SCUBE2: variants seen among roughly 807,000 people sequenced by gnomAD.
SCUBE2 encodes signal peptide, CUB domain and EGF like domain containing 2.
Under a neutral mutation model 125.9 loss-of-function variants are expected in SCUBE2, and 114 were observed. The observed-to-expected ratio is 0.91, with a 90% CI of 0.78 to 1.06. The LOEUF (loss-of-function observed/expected upper bound fraction) is 1.06. Among genes scored for constraint, SCUBE2 ranks in the 50% least tolerant of loss-of-function variants. The probability of loss-of-function intolerance (pLI) is 0.00; values close to 1 mark genes in which losing one functional copy is unlikely to be tolerated. For synonymous variants in SCUBE2, 459 were observed against 492.9 expected (o/e 0.93, Z 0.91); for missense variants, 1,255 against 1,301.8 (o/e 0.96, Z 0.55).
Position 9,050,815 on chromosome 11 carries a change from C to G in SCUBE2, c.1535-105G>C. ...CATTGGTGGCTTCCACCACACACAGCACACCCTGAGACCCTCTCCTACCCT... is the reference window on the plus strand; with the variant it reads ...CATTGGTGGCTTCCACCACACACAGGACACCCTGAGACCCTCTCCTACCCT... On this transcript the variant is annotated intron_variant, in intron 13 of 22. Coordinates refer to ENST00000649792, the MANE Select transcript of SCUBE2 (RefSeq NM_001367977.2). 4.7e-6 allele frequency: 4 copies of G among 854,166 alleles called. No individual in the cohort carries two copies. In the South Asian group the frequency reaches 5.6e-5, roughly 12 times the overall value. The allele number at this position is 854,166 out of a possible 1,614,324, so 52.9% of individuals were successfully genotyped here. A position where few individuals can be genotyped will look rare whatever the true frequency, so the allele number is the denominator to read the frequency against.
chr11:9,025,814 G>T lies in SCUBE2; in HGVS notation c.2742C>A (p.Thr914=). Residue 914 remains threonine, a synonymous_variant, in exon 21 of 23, where the codon ACC becomes ACA. Transcript: ENST00000649792. ...NSVTTYETCQ[T]YERPIAFTSR... ...AGGTGAAGGCGATGGGGCGTTCGTA[G>T]GTCTGGCAGGTTTCATATGTTGTCA... The T allele has an allele frequency of 6.2e-7, 1 of 1,614,092 alleles. No homozygotes were observed. The highest frequency in any genetic ancestry group is 8.5e-7 in the Non-Finnish European group (1 of 1,180,018).
chr11:9,053,213 C>A lies in SCUBE2; in HGVS notation c.1333G>T (p.Val445Leu). ...LHWNKKDCVE[V>L]KGLLPTSVSP... ...ACACTTGTGGGCAGGAGCCCCTTCACTTCTAGACAGGACAAAACAGACACT... is the reference window on the plus strand; with the variant it reads ...ACACTTGTGGGCAGGAGCCCCTTCAATTCTAGACAGGACAAAACAGACACT... The change falls in exon 12 of 23, where the codon GTG becomes TTG. Residue 445 changes from valine to leucine, a missense_variant and splice_region_variant. Val to Leu is a conservative substitution (Grantham distance 32, BLOSUM62 1). Around this residue, in one of 3 missense-constraint regions of SCUBE2, gnomAD observed 378 missense variants for 463.1 expected, o/e 0.82. Coordinates refer to ENST00000649792, the MANE Select transcript of SCUBE2 (RefSeq NM_001367977.2). The A allele has an allele frequency of 6.2e-7, 1 of 1,612,982 alleles. No homozygotes were observed. Among genetic ancestry groups the A allele is most frequent in the Non-Finnish European group, 8.5e-7 (1 of 1,178,898 alleles).
chr11:9,087,950 T>C (rs1236941896), intron 2 of SCUBE2, among the ~76,000 whole-genome samples: 1 of 152,214 alleles, frequency 6.6e-6, no homozygotes, highest in Non-Finnish European at 1.5e-5. Flanking sequence ...GTTTGTCTGT[T>C]TGTTGGAAAA....
At chr11:9,024,566 G>C (rs558064346) in intron 21 of SCUBE2, among the ~76,000 whole-genome samples, 175 of 152,254 alleles carry the variant, frequency 1.1e-3, no homozygotes, top group Non-Finnish European at 2.2e-3. Flanking sequence ...GGCCCTGAAG[G>C]CTCTTCACAG....
chr11:9,021,076 T>C lies in SCUBE2; in HGVS notation c.3056A>G (p.Lys1019Arg). The change falls in exon 23 of 23, where the codon AAA (lysine) becomes AGA (arginine). Residue 1019 changes from lysine (K) to arginine (R), a missense_variant. Transcript: ENST00000649792. ...GTAAGGTCTCAAAAACCTGGACACT[T>C]TGGAACGTAGCAATCGGATGAACGA... is the stretch of plus-strand genomic sequence containing the variant. Reference protein sequence around the residue: ...PRSFIRLLRSKVSRFLRPYK With the variant: ...PRSFIRLLRSRVSRFLRPYK 6.2e-7 allele frequency: 1 copy of C among 1,613,630 alleles called. No individual in the cohort carries two copies. Among genetic ancestry groups the C allele is most frequent in the Non-Finnish European group, 8.5e-7 (1 of 1,179,830 alleles).
At chr11:9,045,316 T>C (rs1045115698) in intron 16 of SCUBE2, among the ~76,000 whole-genome samples, 1 of 152,164 alleles carries the variant, frequency 6.6e-6, no homozygotes, top group African/African-American at 2.4e-5. Context: ...TCATCTTTAC[T>C]GTATACATTT....
intron 18 of SCUBE2, among the ~76,000 whole-genome samples, 175 bp downstream of exon 18, chr11:9,030,583 T>C (rs1174189598): frequency 3.3e-5 from 5 of 152,166 alleles, no homozygotes; most frequent in African/African-American, 1.2e-4. Flanking sequence ...GGACAGCTTG[T>C]CCAGTGAGTT....
intron 2 of SCUBE2, 53 bp from the exon 3 acceptor site, chr11:9,079,562 A>G: frequency 6.3e-7 from 1 of 1,590,446 alleles, no homozygotes; most frequent in Non-Finnish European, 8.6e-7. Flanking sequence ...TTGATGTGAA[A>G]ACATATGCAC....
chr11:9,072,598 T>C (rs1236312072), intron 4 of SCUBE2, among the ~76,000 whole-genome samples: 1 of 152,232 alleles, frequency 6.6e-6, no homozygotes, highest in African/African-American at 2.4e-5. Context: ...CAGGCTGTTC[T>C]ATTTGAAGAA....
At chr11:9,064,880 T>A (rs527291443) in intron 7 of SCUBE2, 1 of 152,212 alleles carries the variant, frequency 6.6e-6, no homozygotes, top group Admixed American at 6.5e-5. Flanking sequence ...CACCAAAGGA[T>A]CTGTCTGACT....
chr11:9,055,892 A>G lies in SCUBE2; in HGVS notation c.1108T>C (p.Leu370=). ...CAGCTGTGGTCACAGGTCCTATCCA[A>G]AGAGCACTCATCCACATCTGTAATG... is the stretch of plus-strand genomic sequence containing the variant. ...KSCQDVDECS[L]DRTCDHSCIN... is the part of the protein sequence containing the mutation. Residue 370 remains leucine (L), a synonymous_variant, in exon 10 of 23, where the codon TTG becomes CTG. Coordinates refer to ENST00000649792, the MANE Select transcript of SCUBE2 (RefSeq NM_001367977.2). The G allele has an allele frequency of 6.2e-7, 1 of 1,614,208 alleles. No homozygotes were observed. The highest frequency in any genetic ancestry group is 8.5e-7 in the Non-Finnish European group (1 of 1,180,016).
At chr11:9,083,215 AC>A (rs1283570638) in intron 2 of SCUBE2, among the ~76,000 whole-genome samples, 3 of 152,064 alleles carry the variant, frequency 2.0e-5, no homozygotes, top group Non-Finnish European at 4.4e-5. Context: ...AAAGTGGAAT[AC>A]GAAAAGAAAC....
intron 14 of SCUBE2, 171 bp downstream of exon 14, chr11:9,050,435 T>C: frequency 1.6e-6 from 1 of 614,216 alleles, no homozygotes; most frequent in Non-Finnish European, 2.9e-6. Flanking sequence ...TAGGTTATGC[T>C]CTTCTTCCTC....
chr11:9,065,438 T>C (rs1160575906), intron 7 of SCUBE2, among the ~76,000 whole-genome samples: 1 of 152,164 alleles, frequency 6.6e-6, no homozygotes, highest in Admixed American at 6.5e-5. Flanking sequence ...TCCACCATGA[T>C]TATAAGTTTC....
At chr11:9,046,535 G>A (rs143342388) in intron 16 of SCUBE2, among the ~76,000 whole-genome samples, 3 of 152,210 alleles carry the variant, frequency 2.0e-5, no homozygotes, top group South Asian at 4.2e-4. Context: ...GATAGCAGAC[G>A]GGGGAGGGGT....
At chr11:9,064,041 A>G (rs1337320419) in intron 7 of SCUBE2, among the ~76,000 whole-genome samples, 2 of 152,226 alleles carry the variant, frequency 1.3e-5, no homozygotes, top group Non-Finnish European at 2.9e-5. Flanking sequence ...AAATTGTGAG[A>G]CAACAATATT....
chr11:9,047,441 G>A lies in SCUBE2; in HGVS notation c.1917C>T (p.Leu639=), dbSNP rs370455985. The part of the protein sequence containing the change: ...QFHLQLSGMN[L]DVAKKPPRTS... Reference sequence around the variant, plus strand: ...TTCTGGGAGGCTTTTTAGCCACGTCGAGGTTCATGCCTGAGAGCTGGAGGT... The same window carrying A: ...TTCTGGGAGGCTTTTTAGCCACGTCAAGGTTCATGCCTGAGAGCTGGAGGT... Residue 639 remains leucine, a synonymous_variant, in exon 16 of 23, where the codon CTC becomes CTT. Coordinates refer to ENST00000649792, the MANE Select transcript of SCUBE2 (RefSeq NM_001367977.2). 48 of 1,614,028 alleles carry A rather than the reference G, an allele frequency of 3.0e-5. No individual in the cohort carries two copies. The highest frequency in any genetic ancestry group is 3.8e-5 in the Non-Finnish European group (45 of 1,180,036).
At chr11:9,083,510 C>T (rs1253255586) in intron 2 of SCUBE2, among the ~76,000 whole-genome samples, 1 of 151,958 alleles carries the variant, frequency 6.6e-6, no homozygotes, top group Admixed American at 6.6e-5. Context: ...CCAGATTTCT[C>T]ACTGTTGGAG....
intron 16 of SCUBE2, among the ~76,000 whole-genome samples, chr11:9,044,410 C>A (rs1429607491): frequency 6.6e-6 from 1 of 152,018 alleles, no homozygotes; most frequent in Non-Finnish European, 1.5e-5. Flanking sequence ...TACCAACCAA[C>A]ATAGTGAGAC....
Sources: gnomAD v4.1 joint callset for allele counts (sites outside exome capture counted in the v4.1 genomes callset) on GRCh38, gnomAD v4.1.1 for gene constraint, gnomAD v4.1.1 regional missense constraint, MANE v1.5 for transcripts, NCBI Gene and HGNC (gene_info 2026-07-23, HGNC 2026-07-21) for gene names.